Variants in F5 observed in about 807,000 individuals in gnomAD.
F5 encodes activated protein c cofactor.
Under a neutral mutation model 216.4 loss-of-function variants are expected in F5, and 138 were observed. That is an observed-to-expected ratio of 0.64 (90% CI 0.56 to 0.73). The LOEUF is 0.73. F5 is among the 30% of genes least tolerant of loss of function. F5 has a pLI of 0.00. For synonymous variants in F5, 916 were observed against 930.7 expected (o/e 0.98, Z 0.29); for missense variants, 2,403 against 2,674.0 (o/e 0.90, Z 2.24).
intron 9 of F5, 130 bp from the exon 10 acceptor site, chr1:169,550,145 T>G (rs1660128552): frequency 1.3e-6 from 1 of 769,920 alleles, no homozygotes; most frequent in Admixed American, 2.4e-5. Context: ...TTTTTTTAAA[T>G]TATACTTTAA....
intron 14 of F5, among the ~76,000 whole-genome samples, chr1:169,534,634 C>T (rs1247695951): frequency 6.6e-6 from 1 of 150,926 alleles, no homozygotes; most frequent in East Asian, 1.9e-4. Context: ...TACCTCTGTA[C>T]TCCAGCCTGG....
At chr1:169,540,219 C>T (rs1659800636) in intron 13 of F5, 75 bp downstream of exon 13, 1 of 1,504,764 alleles carries the variant, frequency 6.6e-7, no homozygotes. Flanking sequence ...CACAATTATC[C>T]CCCTGAATTG....
rs6024 is a variant in F5 at position 169,542,801 on chromosome 1, T to C, written c.2289A>G (p.Glu763=). 0.061 allele frequency: 98,665 copies of C among 1,614,122 alleles called. 3,539 individuals carry two copies. The highest frequency in any genetic ancestry group is 0.098 in the Admixed American group (5,863 of 60,008). Residue 763 remains glutamate (E), a synonymous_variant, in exon 13 of 25, where the codon GAA becomes GAG. Coordinates refer to ENST00000367797, the MANE Select transcript of F5 (RefSeq NM_000130.5). ...TTATATCTGTGTTTGAAGAAACGAA[T>C]TCAGTGCCATTCTCCAGAGCTAGGG... The part of the protein sequence containing the change: ...LTALALENGT[E]FVSSNTDIIV...
intron 20 of F5, among the ~76,000 whole-genome samples, chr1:169,523,570 G>T (rs1033675136): frequency 2.0e-5 from 3 of 152,128 alleles, no homozygotes; most frequent in African/African-American, 7.2e-5. Flanking sequence ...ACTTTGGGAA[G>T]GTAGGTAGTA....
At position 169,529,641 on chromosome 1, in the gene F5, A is replaced by C; in HGVS notation, c.5386T>G (p.Ser1796Ala). ...TCATGGGATTTTTTCATTTCTGAGG[A>C]TGTGAGTCTCCAAGAACTTCGGGAC... is the stretch of plus-strand genomic sequence containing the variant. Reference protein sequence around the residue: ...KKSRSSWRLTSSEMKKSHEFH... With the variant: ...KKSRSSWRLTASEMKKSHEFH... Residue 1796 changes from serine to alanine, a missense_variant, in exon 16 of 25, where the codon TCC becomes GCC. This residue lies in a region of F5 where 659 missense variants were observed against 787.9 expected (regional missense o/e 0.84). Transcript: ENST00000367797. 1 of 1,613,754 alleles carries C rather than the reference A, an allele frequency of 6.2e-7. No individual in the cohort carries two copies. Among genetic ancestry groups the C allele is most frequent in the Middle Eastern group, 1.7e-4 (1 of 6,058 alleles).
rs1659895998 is a variant in F5 at position 169,542,690 on chromosome 1, G to GT, written c.2399dup (p.His800GlnfsTer34). The GT allele has an allele frequency of 6.2e-7, 1 of 1,614,006 alleles. No homozygotes were observed. Among genetic ancestry groups the GT allele is most frequent in the South Asian group, 1.1e-5 (1 of 91,078 alleles). On this transcript the variant is annotated frameshift_variant, in exon 13 of 25. Transcript: ENST00000367797. LOFTEE classifies it high-confidence loss of function. ...GGGAACCAGCTGTGGTGGCTTGTTG[G>GT]TGAGAAGGGGCTTTCTGAGGTTCTG...
intron 2 of F5, among the ~76,000 whole-genome samples, chr1:169,580,294 G>A (rs183627139): frequency 6.6e-6 from 1 of 152,090 alleles, no homozygotes; most frequent in East Asian, 1.9e-4. Context: ...TAGCTGATTG[G>A]CTCCTGGAAA....
intron 10 of F5, among the ~76,000 whole-genome samples, chr1:169,547,630 C>T (rs1432188765): frequency 2.0e-5 from 3 of 151,944 alleles, no homozygotes; most frequent in African/African-American, 7.3e-5. Flanking sequence ...CAAATCAAAA[C>T]CACAATGAGA....
rs1458802858 is a variant in F5, at chr1:169,549,846, T to C, written c.1566A>G (p.Leu522=). The C allele has an allele frequency of 6.2e-7, 1 of 1,614,116 alleles. No homozygotes were observed. Among genetic ancestry groups the C allele is most frequent in the Non-Finnish European group, 8.5e-7 (1 of 1,179,972 alleles). The part of the protein sequence containing the change: ...MRDIASGLIG[L]LLICKSRSLD... ...GGGATCTGCTCTTACAGATTAGAAG[T>C]AGTCCTATTAGCCCAGAGGCGATGT... is the stretch of plus-strand genomic sequence containing the variant. Residue 522 remains leucine, a synonymous_variant, in exon 10 of 25, where the codon CTA becomes CTG. Coordinates refer to ENST00000367797, the MANE Select transcript of F5 (RefSeq NM_000130.5).
Position 169,555,162 on chromosome 1 carries a change from T to G in F5, c.1118+20A>C. On this transcript the variant is annotated intron_variant, in intron 7 of 24. Transcript: ENST00000367797. ...TGTGTCTTGAACCTTTGCCCAGTGG[T>G]ATGAACCCCAACAACTCACTTGTCC... The G allele has an allele frequency of 6.2e-7, 1 of 1,613,960 alleles. No homozygotes were observed. The highest frequency in any genetic ancestry group is 1.3e-5 in the African/African-American group (1 of 75,050).
intron 10 of F5, among the ~76,000 whole-genome samples, chr1:169,547,677 A>G (rs1367383056): frequency 6.6e-6 from 1 of 152,214 alleles, no homozygotes; most frequent in Non-Finnish European, 1.5e-5. Flanking sequence ...TATTATTAAA[A>G]AGTCAAAAAC....
Position 169,527,758 on chromosome 1 carries a change from A to G in F5, c.5599+157T>C, listed in dbSNP as rs548712822. ...TAGGTGACATTTTTGTACTCCGTAT[A>G]TACTTTGGGTCTATGGGTTTGCCTA... On this transcript the variant is annotated intron_variant, in intron 17 of 24. Coordinates refer to ENST00000367797, the MANE Select transcript of F5 (RefSeq NM_000130.5). 3.9e-5 allele frequency among the ~76,000 whole-genome samples: 6 copies of G among 152,338 alleles called. No individual in the cohort carries two copies. In the South Asian group the frequency reaches 8.3e-4, roughly 21 times the overall value.
At chr1:169,565,817 T>C (rs972761155) in intron 3 of F5, among the ~76,000 whole-genome samples, 1 of 152,088 alleles carries the variant, frequency 6.6e-6, no homozygotes, top group African/African-American at 2.4e-5. Context: ...TAAAGTGGAC[T>C]TTGTTGTGTC....
rs923817249 is a variant in F5, at chr1:169,513,348, G to C, written c.*965C>G. Among the ~76,000 whole-genome samples the C allele has an allele frequency of 6.6e-6, 1 of 151,876 alleles. No homozygotes were observed. The highest frequency in any genetic ancestry group is 2.1e-4 in the South Asian group (1 of 4,818). On this transcript the variant is annotated 3_prime_UTR_variant, in exon 25 of 25. Coordinates refer to ENST00000367797, the MANE Select transcript of F5 (RefSeq NM_000130.5). ...CATGTGATTTTAAGGATGTCTAAAG[G>C]TTCCCCAGTTGTGCAATATCTACAG... is the stretch of plus-strand genomic sequence containing the variant.
chr1:169,545,710 G>T (rs993032544), intron 11 of F5, among the ~76,000 whole-genome samples: 2 of 152,278 alleles, frequency 1.3e-5, no homozygotes, highest in East Asian at 3.9e-4. Flanking sequence ...GAAGCTATAT[G>T]AACAGAACAT....
chr1:169,531,156 T>C lies in F5; in HGVS notation c.4972-134A>G, dbSNP rs187062766. 5.9e-5 allele frequency: 41 copies of C among 692,286 alleles called. No homozygotes were observed. The African/African-American group carries it at 6.8e-4, about 12-fold the overall frequency. 42.9% of individuals were successfully genotyped at this position (692,286 alleles called of 1,614,324 possible). Reference sequence around the variant, plus strand: ...TATAAGGTACAAAATAACTTATGTATATTATTTCATTTAATTTTCATAACC... The same window carrying C: ...TATAAGGTACAAAATAACTTATGTACATTATTTCATTTAATTTTCATAACC... On this transcript the variant is annotated intron_variant, in intron 14 of 24. Transcript: ENST00000367797.
intron 4 of F5, among the ~76,000 whole-genome samples, chr1:169,560,185 G>A (rs188825197): frequency 6.6e-6 from 1 of 152,248 alleles, no homozygotes; most frequent in East Asian, 1.9e-4. Context: ...AAACATGTTA[G>A]CCAAAGTTCT....
intron 24 of F5, among the ~76,000 whole-genome samples, chr1:169,515,198 A>T (rs920986856): frequency 6.6e-6 from 1 of 151,310 alleles, no homozygotes; most frequent in African/African-American, 2.4e-5. Flanking sequence ...CAGAAATAAA[A>T]TCACTCTTTT....
rs531493767 is a variant in F5, at chr1:169,520,398, C to A, written c.6193+122G>T. The A allele has an allele frequency of 1.4e-4, 178 of 1,257,902 alleles. 2 individuals carry two copies. The South Asian group carries it at 1.9e-3, about 14-fold the overall frequency. The allele number at this position is 1,257,902 out of a possible 1,614,324, so 77.9% of individuals were successfully genotyped here. The stretch of plus-strand genomic sequence containing the variant: ...TTACCTGAGTAGAACCTCTGTTTCA[C>A]AAAGGTTTTCCTAGGAGCCTAAGTC... On this transcript the variant is annotated intron_variant, in intron 22 of 24. Transcript: ENST00000367797.
Sources: allele counts gnomAD v4.1 joint callset (sites outside exome capture counted in the v4.1 genomes callset), GRCh38; gene constraint gnomAD v4.1.1; regional missense constraint gnomAD v4.1.1; transcripts MANE v1.5; gene names NCBI Gene and HGNC (gene_info 2026-07-23, HGNC 2026-07-21).